The following ABCB7 variants were observed in gnomAD, a reference collection of about 807,000 sequenced individuals.
The protein encoded by ABCB7 is ATP binding cassette subfamily B member 7.
A neutral mutation model predicts 54.4 loss-of-function variants in ABCB7; 7 were observed. The ratio of observed to expected loss-of-function variants is 0.13; its 90% CI spans 0.07 to 0.24. ABCB7 has a LOEUF of 0.24. Ranked by LOEUF, ABCB7 falls within the 10% of genes least tolerant of loss-of-function variation. ABCB7 has a pLI of 1.00. For synonymous variants in ABCB7, 218 were observed against 207.1 expected, an observed-to-expected ratio of 1.05 and a Z score of -0.45; for missense variants, 356 against 570.4, an observed-to-expected ratio of 0.62 and a Z score of 3.83.
chrX:75,138,422 A>C (rs2082029839), intron 1 of ABCB7, among the ~76,000 whole-genome samples: 1 of 112,239 alleles, frequency 8.9e-6, no homozygotes, highest in Non-Finnish European at 1.9e-5. Flanking sequence ...GTTTTGTTTT[A>C]GTTTTGACTG....
intron 1 of ABCB7, among the ~76,000 whole-genome samples, chrX:75,142,767 C>T (rs1386999110): frequency 1.8e-5 from 2 of 112,309 alleles, no homozygotes; most frequent in Admixed American, 9.4e-5. Context: ...ATTTACCACA[C>T]CTTAAAGTAT....
chrX:75,127,803 A>G (rs748873942), intron 1 of ABCB7, among the ~76,000 whole-genome samples: 1 of 111,991 alleles, frequency 8.9e-6, no homozygotes, highest in Non-Finnish European at 1.9e-5. Context: ...ATACACCAAT[A>G]ACAGACAAAC....
rs757967930 is a variant in ABCB7, at chrX:75,062,324, T to A, written c.1935+4A>T. On this transcript the variant is annotated splice_donor_region_variant and intron_variant, in intron 14 of 15. Coordinates refer to ENST00000373394, the MANE Select transcript of ABCB7 (RefSeq NM_001271696.3). The stretch of plus-strand genomic sequence containing the variant: ...AAGAGCTTTATATTTTAATCATAAC[T>A]TACCTCTTCAGTAATCGAATCTAAC... 8.4e-7 allele frequency: 1 copy of A among 1,196,833 alleles called. No individual in the cohort carries two copies. Among genetic ancestry groups the A allele is most frequent in the South Asian group, 1.8e-5 (1 of 56,523 alleles).
chrX:75,079,262 T>C (rs1187696387), intron 4 of ABCB7, among the ~76,000 whole-genome samples: 1 of 111,660 alleles, frequency 9.0e-6, no homozygotes, highest in Non-Finnish European at 1.9e-5. Context: ...AGTTTTCCCA[T>C]AAAAATTATT....
chrX:75,071,411 C>A lies in ABCB7; in HGVS notation c.1207+98G>T, dbSNP rs2081362515. On this transcript the variant is annotated intron_variant, in intron 9 of 15. Coordinates refer to ENST00000373394, the MANE Select transcript of ABCB7 (RefSeq NM_001271696.3). ...CTCCAAGGATGTGAAAGCACTTTAA[C>A]ATCCTTTATAATTAAGATAAGCATG... is the stretch of plus-strand genomic sequence containing the variant. 6.1e-6 allele frequency: 6 copies of A among 991,664 alleles called. No individual in the cohort carries two copies. In the South Asian group the frequency reaches 1.2e-4, roughly 19 times the overall value. 81.7% of individuals were successfully genotyped at this position (991,664 alleles called of 1,213,427 possible). A position where few individuals can be genotyped will look rare whatever the true frequency, so the allele number is the denominator to read the frequency against.
chrX:75,065,354 T>C (rs902318457), intron 12 of ABCB7, 113 bp from the exon 13 acceptor site: 1 of 716,945 alleles, frequency 1.4e-6, no homozygotes, highest in African/African-American at 2.2e-5. Flanking sequence ...GGGTAAAACA[T>C]GACAGTCCCT....
intron 1 of ABCB7, among the ~76,000 whole-genome samples, chrX:75,135,201 C>G (rs1207458607): frequency 9.1e-6 from 1 of 109,384 alleles, no homozygotes; most frequent in Non-Finnish European, 1.9e-5. Context: ...ACAGACACCT[C>G]TATGCACACG....
At chrX:75,082,891 G>T (rs1241551554) in intron 4 of ABCB7, among the ~76,000 whole-genome samples, 2 of 110,727 alleles carry the variant, frequency 1.8e-5, no homozygotes, top group Non-Finnish European at 3.8e-5. Context: ...TAACATAAAA[G>T]GTGACAGTAA....
chrX:75,103,532 T>C (rs1174525488), intron 3 of ABCB7, among the ~76,000 whole-genome samples: 1 of 111,776 alleles, frequency 8.9e-6, no homozygotes, highest in Non-Finnish European at 1.9e-5. Context: ...TAATATATTT[T>C]GAAGTCAGGT....
chrX:75,119,705 T>C (rs1266555406), intron 1 of ABCB7, among the ~76,000 whole-genome samples: 1 of 111,854 alleles, frequency 8.9e-6, no homozygotes, highest in Non-Finnish European at 1.9e-5. Flanking sequence ...TTTATATAAA[T>C]ATGTTACTGA....
At chrX:75,072,560 T>C (rs1271081052) in intron 8 of ABCB7, among the ~76,000 whole-genome samples, 1 of 111,419 alleles carries the variant, frequency 9.0e-6, no homozygotes, top group East Asian at 2.8e-4. Flanking sequence ...AGTAAAAATA[T>C]AGTAAAGAAG....
At chrX:75,090,578 T>C (rs1410557818) in intron 4 of ABCB7, among the ~76,000 whole-genome samples, 1 of 92,839 alleles carries the variant, frequency 1.1e-5, no homozygotes, top group African/African-American at 4.0e-5. Context: ...CTTGGGAAAA[T>C]AGAAAAAAAA....
intron 3 of ABCB7, among the ~76,000 whole-genome samples, chrX:75,112,088 G>T (rs2081765879): frequency 8.9e-6 from 1 of 112,121 alleles, no homozygotes; most frequent in African/African-American, 3.2e-5. Flanking sequence ...AGGAATCAAA[G>T]AATGGAAAAA....
At chrX:75,073,004 G>A (rs1349888934) in intron 8 of ABCB7, among the ~76,000 whole-genome samples, 1 of 107,818 alleles carries the variant, frequency 9.3e-6, no homozygotes, top group African/African-American at 3.4e-5. Context: ...GACCTACATA[G>A]GATCAGGGTC....
At chrX:75,133,800 C>G (rs1486837623) in intron 1 of ABCB7, among the ~76,000 whole-genome samples, 1 of 112,005 alleles carries the variant, frequency 8.9e-6, no homozygotes, top group East Asian at 2.8e-4. Context: ...TTCATTACCA[C>G]CAGGCCTGCC....
At chrX:75,068,470 G>A (rs764088912) in intron 12 of ABCB7, among the ~76,000 whole-genome samples, 12 of 111,678 alleles carry the variant, frequency 1.1e-4, no homozygotes, top group Non-Finnish European at 2.1e-4. Flanking sequence ...ACATGGGTTC[G>A]GCACTGTGTT....
rs139951016 is a variant in ABCB7 at position 75,120,238 on chromosome X, G to C, written c.169-5407C>G. Among the ~76,000 whole-genome samples, 565 of 112,237 alleles carry C rather than the reference G, an allele frequency of 5.0e-3. 3 individuals carry two copies. The highest frequency in any genetic ancestry group is 8.0e-3 in the Non-Finnish European group (427 of 53,254). ...GGAGCATATATGTTTCTCTCTACCTGATTTTTCCAAAATTTGGAAACTACT... is the reference window on the plus strand; with the variant it reads ...GGAGCATATATGTTTCTCTCTACCTCATTTTTCCAAAATTTGGAAACTACT... On this transcript the variant is annotated intron_variant, in intron 1 of 15. Transcript: ENST00000373394.
intron 15 of ABCB7, among the ~76,000 whole-genome samples, chrX:75,054,577 GTTTT>G (rs796793574): frequency 1.4e-4 from 14 of 99,328 alleles, no homozygotes; most frequent in African/African-American, 5.1e-4. Flanking sequence ...TAACTTCCTT[GTTTT>G]TTTTTTTCAT....
chrX:75,147,140 T>C (rs2082097651), intron 1 of ABCB7, among the ~76,000 whole-genome samples: 1 of 110,676 alleles, frequency 9.0e-6, no homozygotes, highest in South Asian at 3.8e-4. Context: ...CCAGTCAGAA[T>C]GGCTAGTATT....
Sources: allele counts gnomAD v4.1 joint callset (sites outside exome capture counted in the v4.1 genomes callset), GRCh38; gene constraint gnomAD v4.1.1; transcripts MANE v1.5; gene names NCBI Gene and HGNC (gene_info 2026-07-23, HGNC 2026-07-21).